The following FMN1 variants were observed in gnomAD, a reference collection of about 807,000 sequenced individuals.
FMN1 encodes formin-1.
In FMN1, 110 loss-of-function variants were observed where a neutral mutation model predicts 132.4. The ratio of observed to expected loss-of-function variants is 0.83; its 90% confidence interval spans 0.71 to 0.97. The LOEUF is 0.97. FMN1 is among the 50% of genes least tolerant of loss of function. The pLI is 0.00. For synonymous variants in FMN1, 722 were observed against 651.7 expected (o/e 1.11, Z -1.64); for missense variants, 1,792 against 1,705.3 (o/e 1.05, Z -0.90).
chr15:33,067,362 C>G (rs2037787120), intron 5 of FMN1: 2 of 1,613,954 alleles, frequency 1.2e-6, no homozygotes, highest in African/African-American at 1.3e-5. Context: ...TGAGATGGCT[C>G]AGATAAAACA....
rs369735833 is a variant in FMN1, at chr15:32,952,629, A to C, written c.3138+11478T>G. On this transcript the variant is annotated intron_variant, in intron 9 of 20. Coordinates refer to ENST00000616417, the MANE Select transcript of FMN1 (RefSeq NM_001277313.2). Reference sequence around the variant, plus strand: ...TGTACAACAGAGTCCACAAGAGAGTAAAAAGTGATGTGATAATTAGGCGGC... The same window carrying C: ...TGTACAACAGAGTCCACAAGAGAGTCAAAAGTGATGTGATAATTAGGCGGC... Among the ~76,000 whole-genome samples the C allele has an allele frequency of 4.6e-5, 7 of 152,310 alleles. No homozygotes were observed. In the East Asian group the frequency reaches 5.8e-4, roughly 13 times the overall value.
intron 4 of FMN1, among the ~76,000 whole-genome samples, chr15:33,116,669 T>G (rs1223619766): frequency 6.6e-6 from 1 of 152,144 alleles, no homozygotes; most frequent in Non-Finnish European, 1.5e-5. Context: ...CAAAACTGCC[T>G]GTGATAAAGC....
At chr15:32,873,800 A>G (rs1245548201) in intron 16 of FMN1, among the ~76,000 whole-genome samples, 1 of 152,126 alleles carries the variant, frequency 6.6e-6, no homozygotes, top group East Asian at 1.9e-4. Flanking sequence ...ACTAGGTGAT[A>G]AAACTTAAAG....
At chr15:33,032,588 A>G (rs1047591095) in intron 6 of FMN1, among the ~76,000 whole-genome samples, 2 of 152,216 alleles carry the variant, frequency 1.3e-5, no homozygotes, top group Non-Finnish European at 2.9e-5. Flanking sequence ...AAGTCAAACC[A>G]TCATATGTAG....
chr15:32,964,283 C>T (rs761863055), intron 8 of FMN1, 26 bp from the exon 9 acceptor site: 3 of 1,513,196 alleles, frequency 2.0e-6, no homozygotes, highest in Non-Finnish European at 2.7e-6. Flanking sequence ...GACAAGTTAA[C>T]CATAAGAACC....
In FMN1 at chr15:33,162,064, T is replaced by G. The variant is rs28609827; in HGVS notation, c.-131-7019A>C. The stretch of plus-strand genomic sequence containing the variant: ...TCTCGCTCTGTCACCCACGCTGCAG[T>G]GCAGTGGCGTGATCTCAGCTCACTG... On this transcript the variant is annotated intron_variant, in intron 3 of 20. Coordinates refer to ENST00000616417, the MANE Select transcript of FMN1 (RefSeq NM_001277313.2). 3.9e-5 allele frequency among the ~76,000 whole-genome samples: 6 copies of G among 151,978 alleles called. No homozygotes were observed. The South Asian group carries it at 1.2e-3, about 32-fold the overall frequency.
chr15:32,998,299 C>A (rs2033897884), intron 7 of FMN1, among the ~76,000 whole-genome samples: 1 of 152,152 alleles, frequency 6.6e-6, no homozygotes, highest in Non-Finnish European at 1.5e-5. Flanking sequence ...CCAGTCAGAT[C>A]AATTAACAAC....
intron 9 of FMN1, among the ~76,000 whole-genome samples, chr15:32,926,840 A>C (rs992016388): frequency 1.3e-5 from 2 of 152,192 alleles, no homozygotes; most frequent in Non-Finnish European, 2.9e-5. Flanking sequence ...GCTGGAGTGC[A>C]GTGGTGTGAT....
intron 11 of FMN1, among the ~76,000 whole-genome samples, chr15:32,909,613 C>A (rs2060508734): frequency 6.6e-6 from 1 of 152,166 alleles, no homozygotes; most frequent in Non-Finnish European, 1.5e-5. Flanking sequence ...GACCACAGTA[C>A]ACTATAGAGC....
chr15:33,123,006 G>A (rs1205070000), intron 4 of FMN1, among the ~76,000 whole-genome samples: 1 of 151,736 alleles, frequency 6.6e-6, no homozygotes, highest in African/African-American at 2.4e-5. Context: ...GACAGGCCGA[G>A]AGAGGTTAAG....
intron 9 of FMN1, among the ~76,000 whole-genome samples, chr15:32,933,687 G>A (rs1443075536): frequency 2.6e-5 from 4 of 152,066 alleles, no homozygotes; most frequent in Non-Finnish European, 5.9e-5. Context: ...CTGGTGAATT[G>A]ACCCTTTTAT....
At chr15:33,096,484 G>T (rs1254234688) in intron 4 of FMN1, among the ~76,000 whole-genome samples, 2 of 152,120 alleles carry the variant, frequency 1.3e-5, no homozygotes, top group African/African-American at 4.8e-5. Flanking sequence ...CCTTTTGCCT[G>T]AGTGTCTTAG....
rs1381957801 is a variant in FMN1 at position 32,769,697 on chromosome 15, T to C, written c.*4613A>G. 1 of 152,214 alleles carries C rather than the reference T, an allele frequency of 6.6e-6. No individual in the cohort carries two copies. The highest frequency in any genetic ancestry group is 1.5e-5 in the Non-Finnish European group (1 of 68,040). 9.4% of individuals were successfully genotyped at this position (152,214 alleles called of 1,614,324 possible). ...TGCATTTTGGAAAGGCTAAAAATTA[T>C]CCACTCTTTTCAAATCCCATCAGCT... is the stretch of plus-strand genomic sequence containing the variant. On this transcript the variant is annotated 3_prime_UTR_variant, in exon 21 of 21. Coordinates refer to ENST00000616417, the MANE Select transcript of FMN1 (RefSeq NM_001277313.2).
intron 9 of FMN1, among the ~76,000 whole-genome samples, chr15:32,942,587 C>T (rs2061423743): frequency 6.6e-6 from 1 of 152,186 alleles, no homozygotes. Context: ...TTCCATGGAG[C>T]CTTCCCTGTC....
At chr15:33,114,783 T>C (rs1488784431) in intron 4 of FMN1, among the ~76,000 whole-genome samples, 1 of 152,166 alleles carries the variant, frequency 6.6e-6, no homozygotes, top group East Asian at 1.9e-4. Flanking sequence ...AGAACTATCA[T>C]TAAAGGAATA....
At chr15:32,891,692 T>C (rs1487527057) in intron 15 of FMN1, among the ~76,000 whole-genome samples, 1 of 152,170 alleles carries the variant, frequency 6.6e-6, no homozygotes, top group Non-Finnish European at 1.5e-5. Flanking sequence ...ATGGGATAGG[T>C]TTCCATTTGT....
chr15:33,081,054 A>C (rs920043787), intron 5 of FMN1, among the ~76,000 whole-genome samples: 6 of 152,194 alleles, frequency 3.9e-5, no homozygotes, highest in African/African-American at 1.2e-4. Context: ...CGGACAAGTC[A>C]CACAGATGTA....
At chr15:32,954,020 A>G (rs2061709077) in intron 9 of FMN1, among the ~76,000 whole-genome samples, 1 of 152,354 alleles carries the variant, frequency 6.6e-6, no homozygotes, top group African/African-American at 2.4e-5. Context: ...TTCACTCCAG[A>G]TGCCATGTTA....
At chr15:32,843,943 A>G (rs2058800651) in intron 17 of FMN1, among the ~76,000 whole-genome samples, 1 of 152,232 alleles carries the variant, frequency 6.6e-6, no homozygotes, top group Non-Finnish European at 1.5e-5. Context: ...GTTCTGATCT[A>G]CTCAAATACA....
Sources: allele counts gnomAD v4.1 joint callset (sites outside exome capture counted in the v4.1 genomes callset), GRCh38; gene constraint gnomAD v4.1.1; transcripts MANE v1.5; gene names NCBI Gene and HGNC (gene_info 2026-07-23, HGNC 2026-07-21).